NTRK3: variants seen among roughly 807,000 people sequenced by gnomAD.
NTRK3 encodes the protein neurotrophic receptor tyrosine kinase 3, also known as NT-3 growth factor receptor.
NTRK3 carries 24 observed loss-of-function variants against 91.7 expected under a neutral mutation model. The observed-to-expected ratio is 0.26, with a 90% CI of 0.19 to 0.37. The LOEUF (loss-of-function observed/expected upper bound fraction) is 0.37. Ranked by LOEUF, NTRK3 falls within the 10% of genes least tolerant of loss-of-function variation. NTRK3 has a pLI of 1.00. For missense variants in NTRK3, 880 were observed against 1,068.9 expected, an observed-to-expected ratio of 0.82 and a Z score of 2.46; for synonymous variants, 483 against 404.0, an observed-to-expected ratio of 1.20 and a Z score of -2.34.
intron 17 of NTRK3, among the ~76,000 whole-genome samples, chr15:87,910,498 A>G (rs1477379935): frequency 6.6e-6 from 1 of 152,236 alleles, no homozygotes; most frequent in African/African-American, 2.4e-5. Context: ...TATTTAAAAC[A>G]TGCCGTGTTT....
At chr15:87,957,701 G>A (rs563516750) in intron 14 of NTRK3, among the ~76,000 whole-genome samples, 1 of 152,370 alleles carries the variant, frequency 6.6e-6, no homozygotes, top group African/African-American at 2.4e-5. Flanking sequence ...CTTCACAGAA[G>A]TGAGAAATAA....
intron 6 of NTRK3, among the ~76,000 whole-genome samples, chr15:88,137,993 G>C (rs2042035033): frequency 6.6e-6 from 1 of 152,080 alleles, no homozygotes; most frequent in Non-Finnish European, 1.5e-5. Context: ...GGAGGTTGCA[G>C]TGAACTGAGA....
At chr15:88,146,724 T>C (rs1264979927) in intron 6 of NTRK3, among the ~76,000 whole-genome samples, 1 of 152,140 alleles carries the variant, frequency 6.6e-6, no homozygotes, top group African/African-American at 2.4e-5. Context: ...AAAAAATATA[T>C]GGCCTCCCCA....
At position 88,131,042 on chromosome 15, in the gene NTRK3, G is replaced by T. The variant is rs913653287; in HGVS notation, c.1205-2308C>A. ...ATTCCAAACTATTTCAAAATGAAAA[G>T]TTAAAAATCTTTAAAAATTAAAAAG... is the stretch of plus-strand genomic sequence containing the variant. On this transcript the variant is annotated intron_variant, in intron 10 of 18. Transcript: ENST00000394480. Among the ~76,000 whole-genome samples, 79 of 152,312 alleles carry T rather than the reference G, an allele frequency of 5.2e-4. 1 individual carries two copies. Among genetic ancestry groups the T allele is most frequent in the Admixed American group, 2.0e-4 (3 of 15,300 alleles).
intron 14 of NTRK3, among the ~76,000 whole-genome samples, chr15:87,941,994 G>C (rs1451949856): frequency 6.6e-6 from 1 of 152,248 alleles, no homozygotes; most frequent in East Asian, 1.9e-4. Flanking sequence ...GAAAGCTGCA[G>C]ATCCTGGGCC....
intron 3 of NTRK3, among the ~76,000 whole-genome samples, chr15:88,209,247 T>A (rs1319645954): frequency 6.6e-6 from 1 of 152,170 alleles, no homozygotes; most frequent in Non-Finnish European, 1.5e-5. Flanking sequence ...CCTCTGTTCT[T>A]CCCCATTATT....
At chr15:87,978,571 G>A (rs1209180782) in intron 14 of NTRK3, 1 of 230,068 alleles carries the variant, frequency 4.3e-6, no homozygotes, top group African/African-American at 2.2e-5. Context: ...GCCAAAGCTT[G>A]TCGGAACTGC....
At chr15:88,187,134 A>G (rs1037358479) in intron 3 of NTRK3, among the ~76,000 whole-genome samples, 39 of 152,148 alleles carry the variant, frequency 2.6e-4, no homozygotes, top group Admixed American at 2.4e-3. Context: ...TCAGTTTTCA[A>G]GCTAAAAATG....
At chr15:88,096,184 G>T (rs950523463) in intron 13 of NTRK3, among the ~76,000 whole-genome samples, 1 of 152,070 alleles carries the variant, frequency 6.6e-6, no homozygotes, top group African/African-American at 2.4e-5. Flanking sequence ...TAACTGTCCT[G>T]CCAGTTTATT....
chr15:88,165,639 A>T lies in NTRK3; in HGVS notation c.395+17779T>A, dbSNP rs1042261097. Among the ~76,000 whole-genome samples, 10 of 152,184 alleles carry T rather than the reference A, an allele frequency of 6.6e-5. No individual in the cohort carries two copies. The East Asian group carries it at 1.9e-3, about 29-fold the overall frequency. ...GAGCTAATCACTATACGCTTTAAAG[A>T]TATTTGTCCACTGAATCTTCCCAAC... On this transcript the variant is annotated intron_variant, in intron 5 of 18. Transcript: ENST00000394480.
In NTRK3 at chr15:88,243,262, C is replaced by G. The variant is rs2052532511; in HGVS notation, c.248+12644G>C. 1.3e-5 allele frequency among the ~76,000 whole-genome samples: 2 copies of G among 152,180 alleles called. No homozygotes were observed. The highest frequency in any genetic ancestry group is 2.9e-5 in the Non-Finnish European group (2 of 68,036). ...CTTATCGCCACATTTGTTCAAATGA[C>G]TGCCACTTAAGAGGTGGCAGGGAGT... is the stretch of plus-strand genomic sequence containing the variant. On this transcript the variant is annotated intron_variant, in intron 3 of 18. Transcript: ENST00000394480. The surrounding 1 kb of genome is among the most constrained non-coding windows in gnomAD (Gnocchi z 4.8).
chr15:88,210,707 T>C (rs1407863566), intron 3 of NTRK3, among the ~76,000 whole-genome samples: 4 of 152,230 alleles, frequency 2.6e-5, no homozygotes, highest in Admixed American at 6.5e-5. Flanking sequence ...AGAAGCCTTC[T>C]CTCATACAGC....
chr15:88,194,741 C>G (rs1414371182), intron 3 of NTRK3, among the ~76,000 whole-genome samples: 3 of 152,194 alleles, frequency 2.0e-5, no homozygotes, highest in African/African-American at 7.2e-5. Flanking sequence ...TTCTCCTGCA[C>G]TTGGACTTGG....
At chr15:88,136,343 G>T in intron 8 of NTRK3, 124 bp downstream of exon 8, 3 of 1,237,730 alleles carry the variant, frequency 2.4e-6, no homozygotes, top group African/African-American at 1.5e-5. Flanking sequence ...TATTGCAGCT[G>T]CATGTAACCC....
At chr15:88,075,549 C>T (rs76972548) in intron 13 of NTRK3, among the ~76,000 whole-genome samples, 2,218 of 151,998 alleles carry the variant, frequency 0.015, 50 homozygotes, top group African/African-American at 0.051. Flanking sequence ...TAACCATTCA[C>T]ATTCCCTTCT....
chr15:88,159,977 C>CACACACAA (rs2044290889), intron 5 of NTRK3, among the ~76,000 whole-genome samples: 1 of 150,168 alleles, frequency 6.7e-6, no homozygotes, highest in Non-Finnish European at 1.5e-5. Flanking sequence ...CACACACACA[C>CACACACAA]ACACACACAC....
At position 88,187,673 on chromosome 15, in the gene NTRK3, T is replaced by C. The variant is rs374844560; in HGVS notation, c.249-3374A>G. Among the ~76,000 whole-genome samples, 23 of 152,282 alleles carry C rather than the reference T, an allele frequency of 1.5e-4. No homozygotes were observed. In the East Asian group the frequency reaches 3.9e-3, roughly 26 times the overall value. On this transcript the variant is annotated intron_variant, in intron 3 of 18. Coordinates refer to ENST00000394480, the Ensembl canonical transcript of NTRK3. The stretch of plus-strand genomic sequence containing the variant: ...TTGTCATTTGAAAATCAATCAATAC[T>C]GCCTGCAAAACAGACTTTGCGAGGC...
chr15:88,017,683 T>C (rs1384424979), intron 14 of NTRK3, among the ~76,000 whole-genome samples: 1 of 149,474 alleles, frequency 6.7e-6, no homozygotes, highest in Non-Finnish European at 1.5e-5. Context: ...CTTTGGGGAA[T>C]AGGGGGAGAG....
At chr15:88,150,008 G>A (rs772652846) in intron 5 of NTRK3, among the ~76,000 whole-genome samples, 3 of 152,146 alleles carry the variant, frequency 2.0e-5, no homozygotes, top group Non-Finnish European at 4.4e-5. Flanking sequence ...GAAGATGTCC[G>A]TCCCCTGCCT....
Sources: gnomAD v4.1 joint callset for allele counts (sites outside exome capture counted in the v4.1 genomes callset) on GRCh38, gnomAD v4.1.1 for gene constraint, Gnocchi (gnomAD v3.1) non-coding constraint, MANE v1.5 for transcripts, NCBI Gene and HGNC (gene_info 2026-07-23, HGNC 2026-07-21) for gene names.